Variants in B3GALT1 observed in about 807,000 individuals in gnomAD.
B3GALT1 encodes the protein beta-1,3-galactosyltransferase 1, also known as UDP-Gal:betaGlcNAc beta 1,3-galactosyltransferase, polypeptide 1.
B3GALT1 carries 10 observed loss-of-function variants against 23.2 expected under a neutral mutation model. The ratio of observed to expected loss-of-function variants is 0.43; its 90% CI spans 0.27 to 0.73. B3GALT1 has a LOEUF of 0.73. Among genes scored for constraint, B3GALT1 ranks in the 30% least tolerant of loss-of-function variants. The probability of loss-of-function intolerance (pLI) is 0.21; values close to 1 mark genes in which losing one functional copy is unlikely to be tolerated. For synonymous variants in B3GALT1, 156 were observed against 141.5 expected (o/e 1.10, Z -0.73); for missense variants, 299 against 405.4 (o/e 0.74, Z 2.25).
At chr2:167,353,164 T>C (rs1035470856) in intron 1 of B3GALT1, among the ~76,000 whole-genome samples, 1 of 152,198 alleles carries the variant, frequency 6.6e-6, no homozygotes, top group Non-Finnish European at 1.5e-5. Context: ...AAGGTAAACA[T>C]AGTTCCTCCT....
intron 2 of B3GALT1, among the ~76,000 whole-genome samples, chr2:167,544,946 C>CGAAAGTAAAATGAAAAA (rs1683603205): frequency 6.8e-6 from 1 of 146,228 alleles, no homozygotes; most frequent in Non-Finnish European, 1.5e-5. Flanking sequence ...TTTATAAAAG[C>CGAAAGTAAAATGAAAAA]GAAAGTAAAA....
rs956595023 is a variant in B3GALT1 at position 167,658,892 on chromosome 2, C to T, written c.-352+11926C>T. Reference sequence around the variant, plus strand: ...ATGTAGATTTGTGTATCTGGTAAAACTTTGAACTAGATGATACCAACAGAC... The same window carrying T: ...ATGTAGATTTGTGTATCTGGTAAAATTTTGAACTAGATGATACCAACAGAC... On this transcript the variant is annotated intron_variant, in intron 3 of 4. Coordinates refer to ENST00000392690, the MANE Select transcript of B3GALT1 (RefSeq NM_020981.4). 3.9e-5 allele frequency among the ~76,000 whole-genome samples: 6 copies of T among 152,160 alleles called. No homozygotes were observed. In the South Asian group the frequency reaches 6.2e-4, roughly 16 times the overall value.
At chr2:167,661,452 C>A (rs897566475) in intron 3 of B3GALT1, among the ~76,000 whole-genome samples, 2 of 151,978 alleles carry the variant, frequency 1.3e-5, no homozygotes, top group African/African-American at 2.4e-5. Context: ...AGAATGGTAG[C>A]CACTCCATTC....
chr2:167,310,551 C>T (rs556004581), intron 1 of B3GALT1, among the ~76,000 whole-genome samples: 4 of 152,040 alleles, frequency 2.6e-5, no homozygotes, highest in African/African-American at 7.2e-5. Context: ...GGAATCAAAC[C>T]GGTATCCTAG....
rs536224004 is a variant in B3GALT1, at chr2:167,597,214, C to T, written c.-409-49695C>T. Among the ~76,000 whole-genome samples, 31 of 151,228 alleles carry T rather than the reference C, an allele frequency of 2.0e-4. 1 individual carries two copies. The East Asian group carries it at 5.5e-3, about 27-fold the overall frequency. On this transcript the variant is annotated intron_variant, in intron 2 of 4. Coordinates refer to ENST00000392690, the MANE Select transcript of B3GALT1 (RefSeq NM_020981.4). The stretch of plus-strand genomic sequence containing the variant: ...CACTGCAAACTCCGCCTTCCGGGTT[C>T]ATGCCATTCTCCTGCCTCAGCCTCC...
rs372691138 is a variant in B3GALT1, at chr2:167,477,920, C to T, written c.-510-12257C>T. Among the ~76,000 whole-genome samples, 22 of 152,190 alleles carry T rather than the reference C, an allele frequency of 1.4e-4. No individual in the cohort carries two copies. The South Asian group carries it at 1.7e-3, about 11-fold the overall frequency. On this transcript the variant is annotated intron_variant, in intron 1 of 4. Coordinates refer to ENST00000392690, the MANE Select transcript of B3GALT1 (RefSeq NM_020981.4). ...TGAATGGCAGAATAGAAAATACTAA[C>T]GATGTATGAATTTGAAAGGTCTATT...
chr2:167,502,844 G>A (rs1044107024), intron 2 of B3GALT1, among the ~76,000 whole-genome samples: 5 of 152,126 alleles, frequency 3.3e-5, no homozygotes, highest in Non-Finnish European at 5.9e-5. Context: ...TTCGAGACCA[G>A]CCTAGCCAAC....
chr2:167,829,538 T>C (rs966292794), intron 4 of B3GALT1, among the ~76,000 whole-genome samples: 1 of 151,180 alleles, frequency 6.6e-6, no homozygotes, highest in Non-Finnish European at 1.5e-5. Context: ...ATCTAAAGTA[T>C]GATAAATAAA....
At chr2:167,867,074 C>A (rs537547826) in intron 4 of B3GALT1, among the ~76,000 whole-genome samples, 1 of 152,082 alleles carries the variant, frequency 6.6e-6, no homozygotes, top group Admixed American at 6.6e-5. Flanking sequence ...CTACAGGCAC[C>A]CGCCACTACG....
intron 1 of B3GALT1, among the ~76,000 whole-genome samples, chr2:167,437,417 A>T (rs1171284196): frequency 6.6e-6 from 1 of 152,240 alleles, no homozygotes; most frequent in Non-Finnish European, 1.5e-5. Context: ...AGCAGCAGGC[A>T]CAAGTTTTCC....
intron 1 of B3GALT1, among the ~76,000 whole-genome samples, chr2:167,310,295 A>G (rs1423142134): frequency 6.6e-6 from 1 of 151,956 alleles, no homozygotes; most frequent in Non-Finnish European, 1.5e-5. Context: ...GTGTTTGTTT[A>G]TTTACGTTTG....
chr2:167,428,633 G>T (rs960578354), intron 1 of B3GALT1, among the ~76,000 whole-genome samples: 1 of 151,842 alleles, frequency 6.6e-6, no homozygotes, highest in Non-Finnish European at 1.5e-5. Context: ...AGCTGAGATC[G>T]CCCCACTACA....
At chr2:167,560,437 T>G (rs1311924030) in intron 2 of B3GALT1, among the ~76,000 whole-genome samples, 1 of 150,702 alleles carries the variant, frequency 6.6e-6, no homozygotes, top group Non-Finnish European at 1.5e-5. Context: ...AATGACAGGA[T>G]CAGATTCACA....
At chr2:167,669,740 A>G (rs1271096397) in intron 3 of B3GALT1, among the ~76,000 whole-genome samples, 1 of 152,146 alleles carries the variant, frequency 6.6e-6, no homozygotes, top group Non-Finnish European at 1.5e-5. Context: ...TTTTTCATCT[A>G]TAGATGATAT....
chr2:167,813,021 C>G (rs1397758076), intron 3 of B3GALT1, among the ~76,000 whole-genome samples: 3 of 145,250 alleles, frequency 2.1e-5, no homozygotes, highest in Non-Finnish European at 4.5e-5. Context: ...GTTCAGGGTC[C>G]CTCTGTTTTT....
chr2:167,771,722 A>G (rs946599105), intron 3 of B3GALT1, among the ~76,000 whole-genome samples: 1 of 152,210 alleles, frequency 6.6e-6, no homozygotes, highest in African/African-American at 2.4e-5. Flanking sequence ...GAAGACTCAG[A>G]TAGACATAGC....
At chr2:167,811,940 T>C (rs1688897828) in intron 3 of B3GALT1, among the ~76,000 whole-genome samples, 1 of 152,228 alleles carries the variant, frequency 6.6e-6, no homozygotes, top group Non-Finnish European at 1.5e-5. Flanking sequence ...ATTAAGCTCT[T>C]GGTTTTGTTT....
intron 2 of B3GALT1, among the ~76,000 whole-genome samples, chr2:167,545,340 G>C (rs947196061): frequency 3.3e-5 from 5 of 151,936 alleles, no homozygotes; most frequent in Admixed American, 6.6e-5. Context: ...GGTGTGCCTT[G>C]GGTGTCTTAT....
At chr2:167,365,637 A>G (rs1017881312) in intron 1 of B3GALT1, among the ~76,000 whole-genome samples, 1 of 150,890 alleles carries the variant, frequency 6.6e-6, no homozygotes, top group Non-Finnish European at 1.5e-5. Flanking sequence ...TGCATGCAAA[A>G]TGCCCTTTGC....
Sources: gnomAD v4.1 joint callset for allele counts (sites outside exome capture counted in the v4.1 genomes callset) on GRCh38, gnomAD v4.1.1 for gene constraint, MANE v1.5 for transcripts, NCBI Gene and HGNC (gene_info 2026-07-23, HGNC 2026-07-21) for gene names.